KANK2: variants seen among roughly 807,000 people sequenced by gnomAD.
The protein encoded by KANK2 is KN motif and ankyrin repeat domains 2, also known as KN motif and ankyrin repeat domain-containing protein 2.
KANK2 carries 41 observed loss-of-function variants against 74.6 expected under a neutral mutation model. The ratio of observed to expected loss-of-function variants is 0.55; its 90% CI spans 0.43 to 0.71. The LOEUF is 0.71. KANK2 is among the 30% of genes least tolerant of loss of function. The pLI, the probability that KANK2 is intolerant of heterozygous loss-of-function variation, is 0.00. For missense variants in KANK2, 1,148 were observed against 1,196.4 expected (o/e 0.96, Z 0.60); for synonymous variants, 537 against 519.0 (o/e 1.03, Z -0.47).
Position 11,193,711 on chromosome 19 carries a change from C to A in KANK2, c.369G>T (p.Arg123=). 1.2e-6 allele frequency: 2 copies of A among 1,612,074 alleles called. No homozygotes were observed. Among genetic ancestry groups the A allele is most frequent in the Non-Finnish European group, 1.7e-6 (2 of 1,179,522 alleles). ...ALETRGGFNP[R]VERTLLDARR... ...GGGCATCCAGCAGCGTGCGCTCCAC[C>A]CGCGGATTGAAGCCACCGCGGGTCT... The change falls in exon 4 of 13, where the codon CGG becomes CGT. Residue 123 remains arginine (R), a synonymous_variant. Coordinates refer to ENST00000586659, the MANE Select transcript of KANK2 (RefSeq NM_001136191.3). This position sits in a 1 kb window ranked among gnomAD's most constrained non-coding sequence, Gnocchi z 9.6.
At chr19:11,182,995 A>G (rs1458133316) in intron 4 of KANK2, among the ~76,000 whole-genome samples, 2 of 152,186 alleles carry the variant, frequency 1.3e-5, no homozygotes, top group Non-Finnish European at 2.9e-5. Context: ...GAATGCTAGC[A>G]TAACAAGAAG....
intron 4 of KANK2, among the ~76,000 whole-genome samples, chr19:11,180,133 GAGC>G (rs963932243): frequency 6.6e-6 from 1 of 152,110 alleles, no homozygotes; most frequent in South Asian, 2.1e-4. Context: ...ATTACCTCCG[GAGC>G]AGCACCGCCC....
At position 11,193,584 on chromosome 19, in the gene KANK2, G is replaced by C. The variant is rs757829570; in HGVS notation, c.496C>G (p.Pro166Ala). ...TASLVGVGLP[P>A]PTPRSSGLST... is the part of the protein sequence containing the mutation. ...AGTCCTGAACTCCGTGGTGTCGGGG[G>C]TGGCAACCCCACGCCCACCAGGGAG... Residue 166 changes from proline (P) to alanine (A), a missense_variant, in exon 4 of 13, where the codon CCC becomes GCC. By Grantham distance (27) the Pro-to-Ala change is conservative (BLOSUM62 -1). Transcript: ENST00000586659. This position sits in a 1 kb window ranked among gnomAD's most constrained non-coding sequence, Gnocchi z 9.6. 24 of 1,587,614 alleles carry C rather than the reference G, an allele frequency of 1.5e-5. No homozygotes were observed. The highest frequency in any genetic ancestry group is 1.8e-5 in the Non-Finnish European group (21 of 1,168,612).
In KANK2 at chr19:11,166,189, C is replaced by T. The variant is rs2147350166; in HGVS notation, c.*369G>A. 5.3e-6 allele frequency: 1 copy of T among 187,930 alleles called. No individual in the cohort carries two copies. The highest frequency in any genetic ancestry group is 1.3e-4 in the East Asian group (1 of 7,802). The allele number at this position is 187,930 out of a possible 1,614,324, so 11.6% of individuals were successfully genotyped here. ...CTAAGATTCCCACCCCCTCCTGCAA[C>T]AATGATTCAAAAATACAATATTTTT... On this transcript the variant is annotated 3_prime_UTR_variant, in exon 13 of 13. Transcript: ENST00000586659.
At chr19:11,189,323 A>G (rs1376688846) in intron 4 of KANK2, among the ~76,000 whole-genome samples, 1 of 152,012 alleles carries the variant, frequency 6.6e-6, no homozygotes, top group East Asian at 1.9e-4. Flanking sequence ...CGATTTGCAA[A>G]TGAGGAAACT....
In KANK2 at chr19:11,170,138, C is replaced by T. The variant is rs140232725; in HGVS notation, c.2322G>A (p.Thr774=). ...DVNVQDDDGS[T]ALMCACEHGH... ...CGTGCTCACAGGCGCACATGAGGGC[C>T]GTGGAGCCGTCATCATCTTGCACGT... The change falls in exon 11 of 13, where the codon ACG becomes ACA. Residue 774 remains threonine (T), a synonymous_variant. Coordinates refer to ENST00000586659, the MANE Select transcript of KANK2 (RefSeq NM_001136191.3). This position sits in a 1 kb window ranked among gnomAD's most constrained non-coding sequence, Gnocchi z 5.2. The T allele has an allele frequency of 1.1e-5, 17 of 1,612,658 alleles. No homozygotes were observed. Among genetic ancestry groups the T allele is most frequent in the Admixed American group, 1.0e-4 (6 of 60,010 alleles).
At position 11,178,720 on chromosome 19, in the gene KANK2, C is replaced by T. The variant is rs1017278098; in HGVS notation, c.1250G>A (p.Gly417Asp). ...CGATTCGGCAGGAACTTCTGGGAGG[C>T]CTGGAGGGACAGGAAATGAGTGTCT... ...ITERSCDGAA[G>D]LPEVPAESSS... Residue 417 changes from glycine (G) to aspartate (D), a missense_variant and splice_region_variant, in exon 5 of 13, where the codon GGC becomes GAC. Transcript: ENST00000586659. 6.6e-7 allele frequency: 1 copy of T among 1,525,184 alleles called. No individual in the cohort carries two copies. Among genetic ancestry groups the T allele is most frequent in the South Asian group, 1.3e-5 (1 of 77,742 alleles). The allele number at this position is 1,525,184 out of a possible 1,614,324, so 94.5% of individuals were successfully genotyped here. A position where few individuals can be genotyped will look rare whatever the true frequency, so the allele number is the denominator to read the frequency against.
intron 4 of KANK2, among the ~76,000 whole-genome samples, chr19:11,191,087 C>T (rs1163604633): frequency 6.6e-6 from 1 of 151,940 alleles, no homozygotes; most frequent in Non-Finnish European, 1.5e-5. Flanking sequence ...GTCGCCCAGG[C>T]TGGAGGGCAG....
At chr19:11,169,806 C>T (rs1568641071) in intron 12 of KANK2, 71 bp downstream of exon 12, 1 of 1,356,046 alleles carries the variant, frequency 7.4e-7, no homozygotes, top group African/African-American at 1.4e-5. Flanking sequence ...GCCTCAAAAA[C>T]AAAAACAACA....
At chr19:11,183,574 G>T (rs1482593654) in intron 4 of KANK2, among the ~76,000 whole-genome samples, 1 of 152,038 alleles carries the variant, frequency 6.6e-6, no homozygotes, top group Admixed American at 6.6e-5. Flanking sequence ...TTCCAGCTTC[G>T]AACTCCTCGG....
At chr19:11,181,911 G>A (rs1330947148) in intron 4 of KANK2, among the ~76,000 whole-genome samples, 1 of 143,840 alleles carries the variant, frequency 7.0e-6, no homozygotes, top group African/African-American at 2.6e-5. Flanking sequence ...TGGATAAGAT[G>A]GTTAATTTTT....
At position 11,192,914 on chromosome 19, in the gene KANK2, C is replaced by A; in HGVS notation, c.1166G>T (p.Cys389Phe). 1 of 1,614,134 alleles carries A rather than the reference C, an allele frequency of 6.2e-7. No individual in the cohort carries two copies. The highest frequency in any genetic ancestry group is 8.5e-7 in the Non-Finnish European group (1 of 1,180,000). The change falls in exon 4 of 13, where the codon TGC becomes TTC. Residue 389 changes from cysteine to phenylalanine, a missense_variant. Transcript: ENST00000586659. ...GCTGGTAGCTGCAGCGGGCACTGGG[C>A]ACATTGTCTCCACCACCTCCTGGCT... is the stretch of plus-strand genomic sequence containing the variant. Reference protein sequence around the residue: ...FRSQEVVETMCPVPAAATSNV... With the variant: ...FRSQEVVETMFPVPAAATSNV...
chr19:11,184,705 T>C (rs965367201), intron 4 of KANK2, among the ~76,000 whole-genome samples: 2 of 134,174 alleles, frequency 1.5e-5, no homozygotes, highest in Non-Finnish European at 3.3e-5. Flanking sequence ...AAGACTCTAC[T>C]TTTTTTTTAA....
chr19:11,176,509 G>A (rs1337147303), intron 7 of KANK2, 69 bp downstream of exon 7: 21 of 1,496,892 alleles, frequency 1.4e-5, no homozygotes, highest in Admixed American at 1.4e-4. Flanking sequence ...GGGCTTGAAC[G>A]GTGGGGGTTT....
rs10410692 is a variant in KANK2 at position 11,195,681 on chromosome 19, G to C, written c.-139C>G. 1 of 43,986 alleles carries C rather than the reference G, an allele frequency of 2.3e-5. No homozygotes were observed. 2.7% of individuals were successfully genotyped at this position (43,986 alleles called of 1,614,324 possible). On this transcript the variant is annotated 5_prime_UTR_variant, in exon 2 of 13. Coordinates refer to ENST00000586659, the MANE Select transcript of KANK2 (RefSeq NM_001136191.3). ...TTTGTCTCTCTCCAAGTCTCTCTGT[G>C]TCTCTCCACGTCTCTCTGTGTCTCT...
At chr19:11,192,777 A>T in intron 4 of KANK2, 54 bp downstream of exon 4, 1 of 1,554,042 alleles carries the variant, frequency 6.4e-7, no homozygotes, top group Non-Finnish European at 8.7e-7. Context: ...CCATGGGAAG[A>T]AAGAGGCCCC....
At position 11,178,292 on chromosome 19, in the gene KANK2, A is replaced by T. The variant is rs1173139747; in HGVS notation, c.1520+53T>A. Reference sequence around the variant, plus strand: ...ATTAGGAGGCTCTCGTGCGTGGATGAATGGAGGAGGGGCGGGAAGTATGGG... The same window carrying T: ...ATTAGGAGGCTCTCGTGCGTGGATGTATGGAGGAGGGGCGGGAAGTATGGG... On this transcript the variant is annotated intron_variant, in intron 6 of 12. Transcript: ENST00000586659. 5 of 1,138,070 alleles carry T rather than the reference A, an allele frequency of 4.4e-6. No homozygotes were observed. The African/African-American group carries it at 7.5e-5, about 17-fold the overall frequency. 70.5% of individuals were successfully genotyped at this position (1,138,070 alleles called of 1,614,324 possible).
At chr19:11,187,125 AG>A (rs35010082) in intron 4 of KANK2, among the ~76,000 whole-genome samples, 10,010 of 151,818 alleles carry the variant, frequency 0.066, 386 homozygotes, top group Admixed American at 0.09. Flanking sequence ...GCGTGGTAGC[AG>A]GGCATCTGTA....
At chr19:11,175,768 C>T (rs1239011452) in intron 8 of KANK2, 134 bp downstream of exon 8, 2 of 599,394 alleles carry the variant, frequency 3.3e-6, no homozygotes, top group Admixed American at 2.8e-5. Context: ...ACCACCACCC[C>T]CATGCTCTGG....
Sources: allele counts gnomAD v4.1 joint callset (sites outside exome capture counted in the v4.1 genomes callset), GRCh38; gene constraint gnomAD v4.1.1; non-coding constraint Gnocchi (gnomAD v3.1); transcripts MANE v1.5; gene names NCBI Gene and HGNC (gene_info 2026-07-23, HGNC 2026-07-21).